Variants in KEAP1 observed in about 807,000 individuals in gnomAD.
KEAP1 encodes kelch-like ECH-associated protein 1.
KEAP1 carries 26 observed loss-of-function variants against 59.7 expected under a neutral mutation model. The ratio of observed to expected loss-of-function variants is 0.44; its 90% CI spans 0.32 to 0.60. The LOEUF (loss-of-function observed/expected upper bound fraction) is 0.60, where lower values mean the gene tolerates loss of function less well. Among genes scored for constraint, KEAP1 ranks in the 20% least tolerant of loss-of-function variants. The pLI, the probability that KEAP1 is intolerant of heterozygous loss-of-function variation, is 0.06. For missense variants in KEAP1, 539 were observed against 871.4 expected (o/e 0.62, Z 4.80); for synonymous variants, 350 against 358.3 (o/e 0.98, Z 0.26).
chr19:10,490,838 G>A (rs1295904740), intron 3 of KEAP1: 4 of 152,148 alleles, frequency 2.6e-5, no homozygotes, highest in African/African-American at 9.7e-5. Context: ...ACCCCTAGTG[G>A]CTCAGCCAGA....
rs374107746 is a variant in KEAP1, at chr19:10,489,150, A to G, written c.1708+42T>C. ...AGCAAAAGCAAAAGCAGTCCACAAAAGATGGGCTAGTCAGGACTCTTCCCC... is the reference window on the plus strand; with the variant it reads ...AGCAAAAGCAAAAGCAGTCCACAAAGGATGGGCTAGTCAGGACTCTTCCCC... On this transcript the variant is annotated intron_variant, in intron 5 of 5. Coordinates refer to ENST00000171111, the MANE Select transcript of KEAP1 (RefSeq NM_203500.2). The G allele has an allele frequency of 8.4e-4, 1,258 of 1,495,832 alleles. 2 individuals are homozygous for G. Among genetic ancestry groups the G allele is most frequent in the Non-Finnish European group, 8.7e-4 (957 of 1,101,222 alleles). The allele number at this position is 1,495,832 out of a possible 1,614,324, so 92.7% of individuals were successfully genotyped here.
In KEAP1 at chr19:10,499,875, G is replaced by A. The variant is rs369973300; in HGVS notation, c.159C>T (p.Ser53=). 6.2e-7 allele frequency: 1 copy of A among 1,613,496 alleles called. No individual in the cohort carries two copies. Among genetic ancestry groups the A allele is most frequent in the African/African-American group, 1.3e-5 (1 of 74,948 alleles). Residue 53 remains serine (S), a synonymous_variant, in exon 2 of 6, where the codon AGC becomes AGT. Transcript: ENST00000171111. This position sits in a 1 kb window ranked among gnomAD's most constrained non-coding sequence, Gnocchi z 6.7. ...GCTTGGTATGATCCTCCAGGGTGTA[G>A]CTGAAGGTGCGGTTGCCATGCTGGG... ...TPSQHGNRTF[S]YTLEDHTKQA...
chr19:10,489,432 C>A (rs923027830), intron 4 of KEAP1, 64 bp from the exon 5 acceptor site: 1 of 1,515,110 alleles, frequency 6.6e-7, no homozygotes, highest in South Asian at 1.2e-5. Context: ...CAGCCATCAC[C>A]TCCTTGAGGG....
At chr19:10,500,330 A>G (rs753787082) in intron 1 of KEAP1, among the ~76,000 whole-genome samples, 3 of 152,168 alleles carry the variant, frequency 2.0e-5, no homozygotes, top group Non-Finnish European at 4.4e-5. Flanking sequence ...CACAGTACCT[A>G]GTAAAACTGA....
Position 10,500,682 on chromosome 19 carries a change from T to C in KEAP1, c.-47-602A>G, listed in dbSNP as rs972111204. Among the ~76,000 whole-genome samples, 331 of 70,598 alleles carry C rather than the reference T, an allele frequency of 4.7e-3. 2 individuals carry two copies. The highest frequency in any genetic ancestry group is 0.023 in the African/African-American group (312 of 13,398). The allele number at this position is 70,598 out of a possible 152,430, so 46.3% of individuals were successfully genotyped here. On this transcript the variant is annotated intron_variant, in intron 1 of 5. Transcript: ENST00000171111. The stretch of plus-strand genomic sequence containing the variant: ...TGAGAATCGGGTGCAGTTTGTTTGC[T>C]TTTTTTTTTTTTTTTTTCAGATGGA...
At position 10,486,300 on chromosome 19, in the gene KEAP1, C is replaced by G. The variant is rs1028306171; in HGVS notation, c.*352G>C. 1.5e-5 allele frequency: 4 copies of G among 262,684 alleles called. No individual in the cohort carries two copies. Among genetic ancestry groups the G allele is most frequent in the Non-Finnish European group, 2.9e-5 (4 of 137,416 alleles). The allele number at this position is 262,684 out of a possible 1,614,324, so 16.3% of individuals were successfully genotyped here. A position where few individuals can be genotyped will look rare whatever the true frequency, so the allele number is the denominator to read the frequency against. On this transcript the variant is annotated 3_prime_UTR_variant, in exon 6 of 6. Transcript: ENST00000171111. ...TCCCCCTGAGGCCCCCATTGGCCCC[C>G]TCCCAGGTATCCAAGAATAAATCAC...
intron 3 of KEAP1, 108 bp from the exon 4 acceptor site, chr19:10,489,961 A>G (rs1300792425): frequency 2.7e-6 from 3 of 1,115,930 alleles, no homozygotes; most frequent in Non-Finnish European, 3.8e-6. Context: ...CCCCTTAAAG[A>G]GACAGGTTCA....
chr19:10,496,528 G>T (rs1345749733), intron 2 of KEAP1, among the ~76,000 whole-genome samples: 1 of 150,882 alleles, frequency 6.6e-6, no homozygotes. Context: ...GGGGCTTGGC[G>T]TGGTGGCTCA....
intron 2 of KEAP1, among the ~76,000 whole-genome samples, chr19:10,494,945 C>T (rs542887755): frequency 2.0e-5 from 3 of 150,868 alleles, no homozygotes; most frequent in South Asian, 4.2e-4. Flanking sequence ...TGAGCCAACG[C>T]GCCCGGCCTC....
chr19:10,501,746 C>T (rs1300090122), intron 1 of KEAP1, among the ~76,000 whole-genome samples: 2 of 152,064 alleles, frequency 1.3e-5, no homozygotes, highest in Non-Finnish European at 1.5e-5. Flanking sequence ...GGGATTTCAC[C>T]ATGTTGGCCA....
At chr19:10,489,046 G>T in intron 5 of KEAP1, 146 bp downstream of exon 5, 1 of 682,332 alleles carries the variant, frequency 1.5e-6, no homozygotes, top group Non-Finnish European at 2.3e-6. Context: ...AGCGAGCTGT[G>T]ATCACACCAC....
intron 1 of KEAP1, among the ~76,000 whole-genome samples, chr19:10,501,123 G>C (rs10401683): frequency 6.6e-6 from 1 of 152,312 alleles, no homozygotes; most frequent in East Asian, 1.9e-4. Flanking sequence ...CAGTGGCTCA[G>C]AGGCTGAGAC....
At position 10,499,587 on chromosome 19, in the gene KEAP1, C is replaced by T. The variant is rs2144626355; in HGVS notation, c.447G>A (p.Glu149=). ...FAYTASISMG[E]KCVLHVMNGA... is the part of the protein sequence containing the mutation. ...CGTTCATGACGTGGAGGACACACTT[C>T]TCGCCCATGGAGATGGAGGCCGTGT... The change falls in exon 2 of 6, where the codon GAG becomes GAA. Residue 149 remains glutamate, a synonymous_variant. Coordinates refer to ENST00000171111, the MANE Select transcript of KEAP1 (RefSeq NM_203500.2). This position sits in a 1 kb window ranked among gnomAD's most constrained non-coding sequence, Gnocchi z 6.7. 1.2e-6 allele frequency: 2 copies of T among 1,614,146 alleles called. No homozygotes were observed. The highest frequency in any genetic ancestry group is 1.7e-6 in the Non-Finnish European group (2 of 1,180,046).
At chr19:10,497,736 A>T (rs994884784) in intron 2 of KEAP1, among the ~76,000 whole-genome samples, 1 of 152,056 alleles carries the variant, frequency 6.6e-6, no homozygotes, top group African/African-American at 2.4e-5. Context: ...AAATTTAAAA[A>T]CTAAAAAATT....
rs200652594 is a variant in KEAP1, at chr19:10,486,774, C to T, written c.1753G>A (p.Asp585Asn). 2.2e-5 allele frequency: 36 copies of T among 1,614,012 alleles called. No individual in the cohort carries two copies. Among genetic ancestry groups the T allele is most frequent in the Admixed American group, 8.3e-5 (5 of 59,958 alleles). ...TCGCTCCAGGTGTCTGTATCTGGGT[C>T]GTAACACTCCACACTGTCCAGGAAC... ...HTFLDSVECY[D>N]PDTDTWSEVT... Residue 585 changes from aspartate (D) to asparagine (N), a missense_variant, in exon 6 of 6, where the codon GAC (aspartate) becomes AAC (asparagine). By Grantham distance (23) the Asp-to-Asn change is conservative. This residue lies in a region of KEAP1 where 311 missense variants were observed against 425.2 expected (regional missense o/e 0.73). Transcript: ENST00000171111.
intron 5 of KEAP1, among the ~76,000 whole-genome samples, chr19:10,488,634 AAACAAAAAAC>A (rs1453519498): frequency 4.1e-5 from 6 of 146,040 alleles, no homozygotes; most frequent in African/African-American, 1.6e-4. Context: ...AAACAAAACA[AAACAAAAAAC>A]AAAACAGGCC....
intron 2 of KEAP1, among the ~76,000 whole-genome samples, chr19:10,496,317 G>A (rs1914848199): frequency 6.6e-6 from 1 of 151,916 alleles, no homozygotes; most frequent in African/African-American, 2.4e-5. Context: ...CCAACATGGT[G>A]AAACCCCATC....
At chr19:10,501,322 C>T (rs1490430176) in intron 1 of KEAP1, among the ~76,000 whole-genome samples, 1 of 150,766 alleles carries the variant, frequency 6.6e-6, no homozygotes, top group African/African-American at 2.4e-5. Context: ...ACTGCAACCT[C>T]TGCCTCCCGA....
intron 5 of KEAP1, 81 bp from the exon 6 acceptor site, chr19:10,486,899 G>T: frequency 2.1e-6 from 3 of 1,455,812 alleles, no homozygotes; most frequent in Non-Finnish European, 2.8e-6. Context: ...AGATGCAGCT[G>T]TGAGATGCAA....
Sources: allele counts gnomAD v4.1 joint callset (sites outside exome capture counted in the v4.1 genomes callset), GRCh38; gene constraint gnomAD v4.1.1; regional missense constraint gnomAD v4.1.1; non-coding constraint Gnocchi (gnomAD v3.1); transcripts MANE v1.5; gene names NCBI Gene and HGNC (gene_info 2026-07-23, HGNC 2026-07-21).